MMP17: variants seen among roughly 807,000 people sequenced by gnomAD.
MMP17 encodes matrix metallopeptidase 17.
Under a neutral mutation model 49.1 loss-of-function variants are expected in MMP17, and 54 were observed. The observed-to-expected ratio is 1.10, with a 90% CI of 0.88 to 1.38. MMP17 has a LOEUF of 1.38. Among genes scored for constraint, MMP17 ranks in the 40% most tolerant of loss-of-function variants. MMP17 has a pLI of 0.00. For synonymous variants in MMP17, 397 were observed against 383.1 expected, an observed-to-expected ratio of 1.04 and a Z score of -0.42; for missense variants, 837 against 853.7, an observed-to-expected ratio of 0.98 and a Z score of 0.24.
rs775628487 is a variant in MMP17 at position 131,845,362 on chromosome 12, C to T, written c.1117C>T (p.Arg373Cys). ...LVSLQPAQMH[R>C]FWRGLPLHLD... ...GTCCCTGCAGCCGGCACAGATGCACCGCTTCTGGCGGGGCCTGCCGCTGCA... is the reference window on the plus strand; with the variant it reads ...GTCCCTGCAGCCGGCACAGATGCACTGCTTCTGGCGGGGCCTGCCGCTGCA... The change falls in exon 8 of 10, where the codon CGC becomes TGC. Residue 373 changes from arginine (R) to cysteine (C), a missense_variant. By Grantham distance (180) the Arg-to-Cys change is radical. Coordinates refer to ENST00000360564, the MANE Select transcript of MMP17 (RefSeq NM_016155.7). The T allele has an allele frequency of 5.6e-6, 9 of 1,599,678 alleles. No individual in the cohort carries two copies. The highest frequency in any genetic ancestry group is 7.7e-6 in the Non-Finnish European group (9 of 1,174,454).
rs775944164 is a variant in MMP17, at chr12:131,845,287, G to A, written c.1052-10G>A. On this transcript the variant is annotated splice_polypyrimidine_tract_variant and intron_variant, in intron 7 of 9. Transcript: ENST00000360564. ...TCTCTGCAGCCCGGCCCTCCCCTCT[G>A]TGCCCCCAGGCAAGTACTTCTGGCG... The A allele has an allele frequency of 3.7e-6, 6 of 1,611,090 alleles. No individual in the cohort carries two copies. In the Admixed American group the frequency reaches 1.0e-4, roughly 27 times the overall value.
chr12:131,839,173 A>T lies in MMP17; in HGVS notation c.422+432A>T, dbSNP rs369281621. On this transcript the variant is annotated intron_variant, in intron 3 of 9. Transcript: ENST00000360564. Reference sequence around the variant, plus strand: ...TGCAGTTGCTGGCAGCCCTCGATGGAATCACCAGCCTCTGCCTCCACCCTG... The same window carrying T: ...TGCAGTTGCTGGCAGCCCTCGATGGTATCACCAGCCTCTGCCTCCACCCTG... Among the ~76,000 whole-genome samples, 99 of 152,170 alleles carry T rather than the reference A, an allele frequency of 6.5e-4. 3 individuals are homozygous for T. In the South Asian group the frequency reaches 0.02, roughly 30 times the overall value.
chr12:131,847,373 A>C (rs1268885137), intron 8 of MMP17, among the ~76,000 whole-genome samples: 1 of 150,618 alleles, frequency 6.6e-6, no homozygotes, highest in African/African-American at 2.5e-5. Context: ...AGATCACACC[A>C]CTGGACTCCA....
intron 1 of MMP17, among the ~76,000 whole-genome samples, chr12:131,833,037 G>A (rs12425015): frequency 0.32 from 48,485 of 152,160 alleles, 9,284 homozygotes; most frequent in Non-Finnish European, 0.44. Context: ...GCGGAGACCC[G>A]GAAGCCAACA....
chr12:131,840,676 C>T lies in MMP17; in HGVS notation c.526C>T (p.His176Tyr), dbSNP rs1335889066. Reference protein sequence around the residue: ...VWSDIAPLNFHEVAGSAADIQ... With the variant: ...VWSDIAPLNFYEVAGSAADIQ... ...GAGCGACATTGCGCCCCTGAACTTC[C>T]ACGAGGTGGCGGGCAGCGCCGCCGA... is the stretch of plus-strand genomic sequence containing the variant. Residue 176 changes from histidine to tyrosine, a missense_variant, in exon 4 of 10, where the codon CAC becomes TAC. By Grantham distance (83) the His-to-Tyr change is moderately conservative. Transcript: ENST00000360564. The T allele has an allele frequency of 1.2e-6, 2 of 1,607,962 alleles. No individual in the cohort carries two copies. The highest frequency in any genetic ancestry group is 1.7e-6 in the Non-Finnish European group (2 of 1,179,950).
chr12:131,835,987 C>T (rs1022602641), intron 1 of MMP17, among the ~76,000 whole-genome samples: 1 of 152,178 alleles, frequency 6.6e-6, no homozygotes, highest in Non-Finnish European at 1.5e-5. Context: ...GAGGTCAGGG[C>T]GGAAGTGGGA....
chr12:131,847,148 C>G (rs372178302), intron 8 of MMP17, among the ~76,000 whole-genome samples: 10 of 151,128 alleles, frequency 6.6e-5, no homozygotes, highest in Admixed American at 1.3e-4. Flanking sequence ...CGCAGTGGCT[C>G]ACGCCTGCAA....
chr12:131,845,028 T>A (rs996824507), intron 6 of MMP17, 90 bp from the exon 7 acceptor site: 6 of 1,349,804 alleles, frequency 4.4e-6, no homozygotes, highest in Admixed American at 1.7e-5. Flanking sequence ...GCCTGTCCCA[T>A]GCCGCTCAGG....
Position 131,840,839 on chromosome 12 carries a change from G to A in MMP17, c.689G>A (p.Trp230Ter). ...GDTHFDDDEA[W>*]TFRSSDAHGM... is the part of the protein sequence containing the mutation. The stretch of plus-strand genomic sequence containing the variant: ...ACCCACTTTGACGATGACGAGGCCT[G>A]GACCTTCCGCTCCTCGGGTGCGTCT... Residue 230 changes from tryptophan (W) to a stop codon, truncating the protein, a stop_gained, in exon 4 of 10, where the codon TGG becomes TAG. Transcript: ENST00000360564. LOFTEE classifies it high-confidence loss of function. The A allele has an allele frequency of 6.2e-7, 1 of 1,602,494 alleles. No individual in the cohort carries two copies. Among genetic ancestry groups the A allele is most frequent in the South Asian group, 1.1e-5 (1 of 90,840 alleles).
intron 8 of MMP17, among the ~76,000 whole-genome samples, chr12:131,847,240 G>A (rs369851463): frequency 7.2e-5 from 11 of 151,876 alleles, no homozygotes; most frequent in South Asian, 6.2e-4. Context: ...GTGAAACCCC[G>A]TCTCTACTAC....
At chr12:131,848,633 G>C (rs7484461) in intron 8 of MMP17, among the ~76,000 whole-genome samples, 98,885 of 151,976 alleles carry the variant, frequency 0.65, 35,389 homozygotes, top group Non-Finnish European at 0.82. Flanking sequence ...TGTCCCCATG[G>C]CTCTGAGTGT....
intron 1 of MMP17, among the ~76,000 whole-genome samples, chr12:131,832,479 A>G (rs1886875618): frequency 6.6e-6 from 1 of 152,026 alleles, no homozygotes; most frequent in Non-Finnish European, 1.5e-5. Context: ...CACTTTGCGC[A>G]TGCGTGAGTT....
chr12:131,844,815 C>T (rs1366986604), intron 6 of MMP17: 2 of 414,438 alleles, frequency 4.8e-6, no homozygotes, highest in East Asian at 4.0e-5. Flanking sequence ...GGTCCCGTGG[C>T]GTGGGTGTTT....
At chr12:131,839,417 ATCC>A (rs1887266232) in intron 3 of MMP17, among the ~76,000 whole-genome samples, 1 of 151,960 alleles carries the variant, frequency 6.6e-6, no homozygotes, top group Non-Finnish European at 1.5e-5. Context: ...GGCTCAAGCA[ATCC>A]TCCTGCCTCC....
Position 131,850,906 on chromosome 12 carries a change from C to T in MMP17, c.1463-19C>T. 2 of 1,456,654 alleles carry T rather than the reference C, an allele frequency of 1.4e-6. No homozygotes were observed. The highest frequency in any genetic ancestry group is 1.8e-6 in the Non-Finnish European group (2 of 1,100,574). 90.2% of individuals were successfully genotyped at this position (1,456,654 alleles called of 1,614,324 possible). A position where few individuals can be genotyped will look rare whatever the true frequency, so the allele number is the denominator to read the frequency against. On this transcript the variant is annotated intron_variant, in intron 9 of 9. Transcript: ENST00000360564. The stretch of plus-strand genomic sequence containing the variant: ...TGCTGCAGCCCTCCCCTGAGCTCAG[C>T]TCTCCCTCCTCTTCTCAGGTGCCTC...
intron 9 of MMP17, among the ~76,000 whole-genome samples, chr12:131,850,476 T>C (rs1303010292): frequency 6.6e-6 from 1 of 152,152 alleles, no homozygotes; most frequent in Non-Finnish European, 1.5e-5. Flanking sequence ...CCCCACAGGG[T>C]CAGCTCCAGG....
intron 5 of MMP17, among the ~76,000 whole-genome samples, chr12:131,842,699 G>T (rs1031610373): frequency 6.6e-6 from 1 of 151,864 alleles, no homozygotes; most frequent in Non-Finnish European, 1.5e-5. Context: ...CTTGAACCCG[G>T]GAGGCAGAGG....
intron 1 of MMP17, among the ~76,000 whole-genome samples, chr12:131,833,110 C>A (rs1160807497): frequency 6.6e-6 from 1 of 152,218 alleles, no homozygotes; most frequent in Non-Finnish European, 1.5e-5. Context: ...CATCTGTAAA[C>A]TGGGAGTAAT....
intron 1 of MMP17, among the ~76,000 whole-genome samples, chr12:131,834,486 C>T (rs1231140477): frequency 2.6e-5 from 4 of 152,028 alleles, no homozygotes; most frequent in African/African-American, 7.2e-5. Flanking sequence ...CCCCTGCCTG[C>T]GTGGGATCCA....
Sources: gnomAD v4.1 joint callset for allele counts (sites outside exome capture counted in the v4.1 genomes callset) on GRCh38, gnomAD v4.1.1 for gene constraint, MANE v1.5 for transcripts, NCBI Gene and HGNC (gene_info 2026-07-23, HGNC 2026-07-21) for gene names.